The following SYNM variants were observed in gnomAD, a reference collection of about 807,000 sequenced individuals.
The protein encoded by SYNM is desmuslin.
Under a neutral mutation model 104.0 loss-of-function variants are expected in SYNM, and 95 were observed. The observed-to-expected ratio is 0.91, with a 90% CI of 0.77 to 1.08. SYNM has a LOEUF of 1.08. SYNM is among the 50% of genes least tolerant of loss of function. SYNM has a pLI of 0.00. For missense variants in SYNM, 2,150 were observed against 2,052.2 expected (o/e 1.05, Z -0.92); for synonymous variants, 918 against 869.0 (o/e 1.06, Z -0.99).
In SYNM at chr15:99,105,628, C is replaced by T. The variant is rs868976524; in HGVS notation, c.429C>T (p.Gly143=). 2.3e-6 allele frequency: 3 copies of T among 1,320,798 alleles called. No homozygotes were observed. Among genetic ancestry groups the T allele is most frequent in the South Asian group, 1.9e-5 (1 of 52,100 alleles). The allele number at this position is 1,320,798 out of a possible 1,614,324, so 81.8% of individuals were successfully genotyped here. ...GCCGGCTGCAGGCCGAGCGCCGAGG[C>T]CTCGACGCGGCCCACGAACGCGACG... ...LLGRLQAERR[G]LDAAHERDVR... Residue 143 remains glycine (G), a synonymous_variant, in exon 1 of 4, where the codon GGC becomes GGT. Transcript: ENST00000336292.
Position 99,130,356 on chromosome 15 carries a change from A to C in SYNM, c.1996A>C (p.Thr666Pro). The part of the protein sequence containing the change: ...TEASADSFPD[T>P]KVTYVDRKEL... ...AGCATCTGCTGATTCTTTTCCAGAC[A>C]CAAAAGTCACTTACGTGGACAGGAA... is the stretch of plus-strand genomic sequence containing the variant. Residue 666 changes from threonine to proline, a missense_variant, in exon 4 of 4, where the codon ACA (threonine) becomes CCA (proline). Physicochemically the swap from Thr to Pro is conservative, Grantham distance 38 (BLOSUM62 -1). Transcript: ENST00000336292. The C allele has an allele frequency of 6.2e-7, 1 of 1,613,766 alleles. No homozygotes were observed. Among genetic ancestry groups the C allele is most frequent in the Non-Finnish European group, 8.5e-7 (1 of 1,179,766 alleles).
chr15:99,105,805 C>G lies in SYNM; in HGVS notation c.606C>G (p.Tyr202Ter). The change falls in exon 1 of 4, where the codon TAC (tyrosine) becomes TAG (stop). Residue 202 changes from tyrosine to a stop codon, truncating the protein, a stop_gained. Transcript: ENST00000336292. LOFTEE classifies it high-confidence loss of function. ...CGTGGCGGGAGACGGTGCAGCTGTA[C>G]GAGGACGAGGTGCGCGAGCTGGAGG... Reference protein sequence around the residue: ...AESWRETVQLYEDEVRELEEA... With the variant: ...AESWRETVQL The G allele has an allele frequency of 6.5e-7, 1 of 1,541,684 alleles. No individual in the cohort carries two copies.
chr15:99,127,112 G>A (rs1555485116), intron 3 of SYNM, among the ~76,000 whole-genome samples: 1 of 152,200 alleles, frequency 6.6e-6, no homozygotes, highest in East Asian at 1.9e-4. Context: ...ACCCCTGGAA[G>A]GGACACTCCT....
At chr15:99,119,802 A>T (rs969113555) in intron 2 of SYNM, among the ~76,000 whole-genome samples, 1 of 152,258 alleles carries the variant, frequency 6.6e-6, no homozygotes, top group Non-Finnish European at 1.5e-5. Flanking sequence ...TGTTATGAGA[A>T]TTTCCAAAGA....
chr15:99,108,225 G>T (rs534334908), intron 1 of SYNM, among the ~76,000 whole-genome samples: 8 of 152,042 alleles, frequency 5.3e-5, no homozygotes, highest in Admixed American at 1.3e-4. Flanking sequence ...TCCACCGGCC[G>T]TGGCCTCCCA....
chr15:99,105,551 C>T lies in SYNM; in HGVS notation c.352C>T (p.Arg118Cys). The T allele has an allele frequency of 1.7e-6, 2 of 1,205,624 alleles. No homozygotes were observed. The highest frequency in any genetic ancestry group is 2.1e-6 in the Non-Finnish European group (2 of 973,666). The allele number at this position is 1,205,624 out of a possible 1,614,324, so 74.7% of individuals were successfully genotyped here. Residue 118 changes from arginine (R) to cysteine (C), a missense_variant, in exon 1 of 4, where the codon CGC (arginine) becomes TGC (cysteine). Arg to Cys is a radical substitution (Grantham distance 180). Transcript: ENST00000336292. Reference sequence around the variant, plus strand: ...GGACGCCGAGCTGGGTGCGCAGCAGCGCGAGCTGCAGGAGGCGCTGGGCGC... The same window carrying T: ...GGACGCCGAGCTGGGTGCGCAGCAGTGCGAGCTGCAGGAGGCGCTGGGCGC... ...RLDAELGAQQ[R>C]ELQEALGARA...
In SYNM at chr15:99,129,733, C is replaced by G. The variant is rs1231716120; in HGVS notation, c.1373C>G (p.Pro458Arg). 6.2e-7 allele frequency: 1 copy of G among 1,613,464 alleles called. No homozygotes were observed. The highest frequency in any genetic ancestry group is 1.3e-5 in the African/African-American group (1 of 74,882). ...AAAGCCGGAGATACAAGGGAGGTCC[C>G]CGTTTACATAGGTGAAGATTCCACA... ...RPKAGDTREVPVYIGEDSTIA... is the reference protein window; with the variant it reads ...RPKAGDTREVRVYIGEDSTIA... The change falls in exon 4 of 4, where the codon CCC becomes CGC. Residue 458 changes from proline (P) to arginine (R), a missense_variant. By Grantham distance (103) the Pro-to-Arg change is moderately radical (BLOSUM62 -2). Transcript: ENST00000336292.
downstream of SYNM, chr15:99,139,538 T>G (rs1489476866): frequency 1.3e-5 from 20 of 1,548,792 alleles, no homozygotes; most frequent in Middle Eastern, 6.7e-4. Flanking sequence ...CTGGGATGTC[T>G]CCTAGTGACT....
In SYNM at chr15:99,132,223, A is replaced by T; in HGVS notation, c.3863A>T (p.Glu1288Val). ...ACAGCTCCACTTTCAGACAAGGTGG[A>T]GTTGGGTGTCATAGGAGATTCTGTA... ...QFTAPLSDKV[E>V]LGVIGDSVHM... The change falls in exon 4 of 4, where the codon GAG (glutamate) becomes GTG (valine). Residue 1288 changes from glutamate to valine, a missense_variant. Transcript: ENST00000336292. 1 of 1,612,260 alleles carries T rather than the reference A, an allele frequency of 6.2e-7. No individual in the cohort carries two copies. Among genetic ancestry groups the T allele is most frequent in the Non-Finnish European group, 8.5e-7 (1 of 1,178,686 alleles).
Position 99,105,549 on chromosome 15 carries a change from A to T in SYNM, c.350A>T (p.Gln117Leu), listed in dbSNP as rs1473119271. The change falls in exon 1 of 4, where the codon CAG (glutamine) becomes CTG (leucine). Residue 117 changes from glutamine to leucine, a missense_variant. Physicochemically the swap from Gln to Leu is moderately radical, Grantham distance 113 (BLOSUM62 -2). Transcript: ENST00000336292. ...GRLDAELGAQ[Q>L]RELQEALGAR... ...CTGGACGCCGAGCTGGGTGCGCAGC[A>T]GCGCGAGCTGCAGGAGGCGCTGGGC... 8.3e-6 allele frequency: 10 copies of T among 1,207,526 alleles called. No individual in the cohort carries two copies. The Admixed American group carries it at 2.7e-4, about 33-fold the overall frequency. 74.8% of individuals were successfully genotyped at this position (1,207,526 alleles called of 1,614,324 possible). A position where few individuals can be genotyped will look rare whatever the true frequency, so the allele number is the denominator to read the frequency against.
chr15:99,105,862 C>G lies in SYNM; in HGVS notation c.663C>G (p.Leu221=). The G allele has an allele frequency of 6.5e-7, 1 of 1,541,294 alleles. No individual in the cohort carries two copies. Among genetic ancestry groups the G allele is most frequent in the Non-Finnish European group, 8.7e-7 (1 of 1,146,080 alleles). Residue 221 remains leucine (L), a synonymous_variant, in exon 1 of 4, where the codon CTC becomes CTG. Transcript: ENST00000336292. ...EALRRGQESR[L]QAEEETRLCA... is the part of the protein sequence containing the mutation. ...TGCGGCGCGGCCAGGAGAGCAGACT[C>G]CAGGCGGAGGAAGAGACGCGGCTGT... is the stretch of plus-strand genomic sequence containing the variant.
chr15:99,122,351 C>T (rs1384354291), intron 2 of SYNM, among the ~76,000 whole-genome samples: 6 of 152,200 alleles, frequency 3.9e-5, no homozygotes, highest in African/African-American at 1.2e-4. Context: ...ATTTTTTAGG[C>T]CACCTGTACC....
intron 2 of SYNM, among the ~76,000 whole-genome samples, chr15:99,123,596 G>C (rs2067421211): frequency 6.6e-6 from 1 of 152,208 alleles, no homozygotes; most frequent in Admixed American, 6.5e-5. Context: ...GTGGAGCTTG[G>C]CTTCCTCTGT....
At chr15:99,125,715 G>A (rs2067441211) in intron 2 of SYNM, among the ~76,000 whole-genome samples, 1 of 152,268 alleles carries the variant, frequency 6.6e-6, no homozygotes, top group South Asian at 2.1e-4. Flanking sequence ...GCATTTCTCA[G>A]TGGGCTCTTG....
chr15:99,113,617 G>A lies in SYNM; in HGVS notation c.837G>A (p.Glu279=). ...GAGTGATTGACTGCCTGGAGGATGA[G>A]AAGGCAACCCTCACCTTGGCCATGG... is the stretch of plus-strand genomic sequence containing the variant. ...RQRVIDCLED[E]KATLTLAMAD... Residue 279 remains glutamate (E), a synonymous_variant, in exon 2 of 4, where the codon GAG becomes GAA. Transcript: ENST00000336292. 1 of 1,613,580 alleles carries A rather than the reference G, an allele frequency of 6.2e-7. No homozygotes were observed. Among genetic ancestry groups the A allele is most frequent in the Non-Finnish European group, 8.5e-7 (1 of 1,179,708 alleles).
chr15:99,118,208 A>G lies in SYNM; in HGVS notation c.935+4493A>G, dbSNP rs114565778. ...ATTCTTTTGTATAAGCCAAAAACTT[A>G]CCATTTTTGAAAATCACCAGTGCAT... is the stretch of plus-strand genomic sequence containing the variant. On this transcript the variant is annotated intron_variant, in intron 2 of 3. Transcript: ENST00000336292. 5.3e-3 allele frequency among the ~76,000 whole-genome samples: 803 copies of G among 152,320 alleles called. 11 individuals carry two copies. Among genetic ancestry groups the G allele is most frequent in the African/African-American group, 0.018 (754 of 41,576 alleles).
downstream of SYNM, chr15:99,138,127 C>G (rs1259398313): frequency 1.2e-6 from 2 of 1,612,158 alleles, no homozygotes; most frequent in Non-Finnish European, 1.7e-6. Flanking sequence ...CCTTGGGGGC[C>G]CTGCAGACAA....
At chr15:99,125,580 A>C in intron 2 of SYNM, among the ~76,000 whole-genome samples, 1 of 152,316 alleles carries the variant, frequency 6.6e-6, no homozygotes, top group Non-Finnish European at 1.5e-5. Context: ...TCTCGTGTTC[A>C]TGGGGCTCAC....
chr15:99,124,862 G>C (rs1281301217), intron 2 of SYNM, among the ~76,000 whole-genome samples: 1 of 152,180 alleles, frequency 6.6e-6, no homozygotes, highest in African/African-American at 2.4e-5. Context: ...ACAATGCCTG[G>C]TGCTCAGTGT....
Sources: allele counts gnomAD v4.1 joint callset (sites outside exome capture counted in the v4.1 genomes callset), GRCh38; gene constraint gnomAD v4.1.1; transcripts MANE v1.5; gene names NCBI Gene and HGNC (gene_info 2026-07-23, HGNC 2026-07-21).